The following SLC26A3 variants were observed in gnomAD, a reference collection of about 807,000 sequenced individuals.
SLC26A3 encodes the protein chloride anion exchanger.
Under a neutral mutation model 85.6 loss-of-function variants are expected in SLC26A3, and 64 were observed. The observed-to-expected ratio is 0.75, with a 90% CI of 0.61 to 0.92. The LOEUF (loss-of-function observed/expected upper bound fraction) is 0.92. Among genes scored for constraint, SLC26A3 ranks in the 40% least tolerant of loss-of-function variants. The pLI is 0.00. For missense variants in SLC26A3, 922 were observed against 927.3 expected (o/e 0.99, Z 0.07); for synonymous variants, 349 against 336.0 (o/e 1.04, Z -0.42).
At position 107,794,453 on chromosome 7, in the gene SLC26A3, A is replaced by G. The variant is rs762967942; in HGVS notation, c.57T>C (p.Asn19=). ...YIVARPVYST[N]AFEENHKKTG... is the part of the protein sequence containing the mutation. ...TCTTTTTATGATTTTCCTCAAAAGCATTTGTAGAATACACTGGCCTGGCCA... is the reference window on the plus strand; with the variant it reads ...TCTTTTTATGATTTTCCTCAAAAGCGTTTGTAGAATACACTGGCCTGGCCA... The change falls in exon 2 of 21, where the codon AAT becomes AAC. Residue 19 remains asparagine, a synonymous_variant. Transcript: ENST00000340010. The G allele has an allele frequency of 6.2e-7, 1 of 1,613,888 alleles. No individual in the cohort carries two copies. The highest frequency in any genetic ancestry group is 8.5e-7 in the Non-Finnish European group (1 of 1,179,880).
rs753745544 is a variant in SLC26A3, at chr7:107,793,731, A to G, written c.271+11T>C. On this transcript the variant is annotated intron_variant, in intron 3 of 20. Coordinates refer to ENST00000340010, the MANE Select transcript of SLC26A3 (RefSeq NM_000111.3). The stretch of plus-strand genomic sequence containing the variant: ...TTATTGTATATAAATTATACTTAAA[A>G]AAAATTTTACCTTGTAGTACGGCCA... The G allele has an allele frequency of 1.2e-6, 2 of 1,603,664 alleles. No individual in the cohort carries two copies. The highest frequency in any genetic ancestry group is 3.4e-5 in the Admixed American group (2 of 59,572).
At position 107,791,232 on chromosome 7, in the gene SLC26A3, G is replaced by C. The variant is rs386833480; in HGVS notation, c.386C>G (p.Pro129Arg). The C allele has an allele frequency of 1.9e-6, 3 of 1,613,974 alleles. No homozygotes were observed. In the African/African-American group the frequency reaches 4.0e-5, roughly 22 times the overall value. Residue 129 changes from proline (P) to arginine (R), a missense_variant, in exon 5 of 21, where the codon CCG becomes CGG. Coordinates refer to ENST00000340010, the MANE Select transcript of SLC26A3 (RefSeq NM_000111.3). ...CACCATCATACTCAGAATCGGAAAC[G>C]GACCTAATTAACAGTGGGTGAATCG... The part of the protein sequence containing the change: ...FGTSRHISVG[P>R]FPILSMMVGL...
At position 107,798,588 on chromosome 7, in the gene SLC26A3, T is replaced by A. The variant is rs539173544; in HGVS notation, c.-88-3991A>T. On this transcript the variant is annotated intron_variant, in intron 1 of 20. Transcript: ENST00000340010. ...CTGATGAGCGGTGCTAGGATTTGTC[T>A]TTAATTAGCGGTCATTTGAAACCAG... Among the ~76,000 whole-genome samples, 7 of 152,314 alleles carry A rather than the reference T, an allele frequency of 4.6e-5. No homozygotes were observed. In the East Asian group the frequency reaches 1.4e-3, roughly 29 times the overall value.
chr7:107,800,700 T>C (rs1169439056), intron 1 of SLC26A3, among the ~76,000 whole-genome samples: 1 of 148,424 alleles, frequency 6.7e-6, no homozygotes, highest in Non-Finnish European at 1.5e-5. Context: ...GCAAAAGATA[T>C]ATAAATGACG....
chr7:107,786,604 T>G (rs1308170764), intron 8 of SLC26A3, among the ~76,000 whole-genome samples: 2 of 136,416 alleles, frequency 1.5e-5, no homozygotes, highest in African/African-American at 2.7e-5. Flanking sequence ...GCATTCACTG[T>G]GGGGAGGCGA....
At chr7:107,794,285 T>C in intron 2 of SLC26A3, 94 bp downstream of exon 2, 2 of 1,399,460 alleles carry the variant, frequency 1.4e-6, no homozygotes, top group Non-Finnish European at 2.0e-6. Context: ...GGCTGTGGAC[T>C]AGAGCCAGAA....
chr7:107,796,711 C>T (rs537145118), intron 1 of SLC26A3, among the ~76,000 whole-genome samples: 2 of 148,778 alleles, frequency 1.3e-5, no homozygotes, highest in South Asian at 2.1e-4. Flanking sequence ...TTGGATTTCT[C>T]ACAAAGGGTA....
At chr7:107,768,952 G>C (rs1793960354) in intron 18 of SLC26A3, among the ~76,000 whole-genome samples, 1 of 152,160 alleles carries the variant, frequency 6.6e-6, no homozygotes, top group Admixed American at 6.5e-5. Context: ...CAATGGGAAG[G>C]AAGGTGATAA....
rs1409334094 is a variant in SLC26A3 at position 107,794,434 on chromosome 7, T to C, written c.76A>G (p.Lys26Glu). Reference sequence around the variant, plus strand: ...GTCTTATGATGTCTTCCTGTCTTTTTATGATTTTCCTCAAAAGCATTTGTA... The same window carrying C: ...GTCTTATGATGTCTTCCTGTCTTTTCATGATTTTCCTCAAAAGCATTTGTA... ...YSTNAFEENH[K>E]KTGRHHKTFL... Residue 26 changes from lysine (K) to glutamate (E), a missense_variant, in exon 2 of 21, where the codon AAA (lysine) becomes GAA (glutamate). Transcript: ENST00000340010. 2 of 1,614,058 alleles carry C rather than the reference T, an allele frequency of 1.2e-6. No homozygotes were observed. The highest frequency in any genetic ancestry group is 4.5e-5 in the East Asian group (2 of 44,878).
intron 8 of SLC26A3, 45 bp from the exon 9 acceptor site, chr7:107,783,397 T>C (rs1794242721): frequency 2.5e-6 from 4 of 1,605,560 alleles, no homozygotes; most frequent in Non-Finnish European, 3.4e-6. Context: ...AACCAATTTA[T>C]AAACTGATAT....
intron 6 of SLC26A3, among the ~76,000 whole-genome samples, chr7:107,788,746 T>C (rs946343491): frequency 2.6e-5 from 4 of 151,606 alleles, no homozygotes; most frequent in Non-Finnish European, 4.4e-5. Context: ...TTTCTTTCGT[T>C]TCCTTTTTTC....
chr7:107,802,978 A>G (rs1353858568), intron 1 of SLC26A3, 133 bp downstream of exon 1: 1 of 152,276 alleles, frequency 6.6e-6, no homozygotes, highest in African/African-American at 2.4e-5. Flanking sequence ...TAGTGGATTC[A>G]TTCAAAATAT....
At chr7:107,794,623 T>G (rs1214748065) in intron 1 of SLC26A3, 26 bp from the exon 2 acceptor site, 2 of 1,117,076 alleles carry the variant, frequency 1.8e-6, no homozygotes, top group East Asian at 4.7e-5. Flanking sequence ...GCTTGCTTCT[T>G]AAATAACTCA....
At chr7:107,767,993 A>G in intron 18 of SLC26A3, 85 bp from the exon 19 acceptor site, 1 of 1,275,940 alleles carries the variant, frequency 7.8e-7, no homozygotes, top group Non-Finnish European at 1.1e-6. Context: ...TTCACCTTCC[A>G]TTTGCAAATG....
At chr7:107,778,089 G>T in intron 13 of SLC26A3, 86 bp downstream of exon 13, 2 of 883,416 alleles carry the variant, frequency 2.3e-6, no homozygotes, top group Non-Finnish European at 3.8e-6. Context: ...ACCAACTACT[G>T]TTCTTTTAGC....
At chr7:107,774,199 AT>A (rs1199089260) in intron 16 of SLC26A3, 46 bp from the exon 17 acceptor site, 2 of 1,420,796 alleles carry the variant, frequency 1.4e-6, no homozygotes, top group African/African-American at 2.8e-5. Context: ...CAAGAAAAAC[AT>A]TGTGTATGTC....
At chr7:107,767,736 C>A (rs1483190694) in intron 19 of SLC26A3, 30 bp downstream of exon 19, 3 of 1,613,206 alleles carry the variant, frequency 1.9e-6, no homozygotes, top group Non-Finnish European at 2.5e-6. Flanking sequence ...GCTGCTTATG[C>A]AATTGTGAAA....
At chr7:107,776,850 T>C in intron 13 of SLC26A3, 144 bp from the exon 14 acceptor site, 2 of 748,578 alleles carry the variant, frequency 2.7e-6, no homozygotes, top group Non-Finnish European at 4.7e-6. Context: ...TCAGAGACTC[T>C]GGAAGGTGAA....
At chr7:107,766,011 T>C in intron 20 of SLC26A3, 133 bp from the exon 21 acceptor site, 1 of 721,212 alleles carries the variant, frequency 1.4e-6, no homozygotes, top group South Asian at 1.6e-5. Context: ...TCAAGTACCT[T>C]CCATCACTGC....
Sources: gnomAD v4.1 joint callset for allele counts (sites outside exome capture counted in the v4.1 genomes callset) on GRCh38, gnomAD v4.1.1 for gene constraint, MANE v1.5 for transcripts, NCBI Gene and HGNC (gene_info 2026-07-23, HGNC 2026-07-21) for gene names.